LCORL: variants seen among roughly 807,000 people sequenced by gnomAD.
LCORL encodes ligand-dependent nuclear receptor corepressor-like protein.
A neutral mutation model predicts 141.8 loss-of-function variants in LCORL; 41 were observed. The observed-to-expected ratio is 0.29, with a 90% CI of 0.23 to 0.38. LCORL has a LOEUF of 0.38. Ranked by LOEUF, LCORL falls within the 10% of genes least tolerant of loss-of-function variation. The pLI is 1.00. For missense variants in LCORL, 1,759 were observed against 2,035.0 expected, an observed-to-expected ratio of 0.86 and a Z score of 2.61; for synonymous variants, 618 against 694.1, an observed-to-expected ratio of 0.89 and a Z score of 1.72.
chr4:17,860,635 A>C lies in LCORL; in HGVS notation c.5602+12753T>G, dbSNP rs535035688. Among the ~76,000 whole-genome samples the C allele has an allele frequency of 7.2e-5, 11 of 152,246 alleles. No homozygotes were observed. The South Asian group carries it at 1.5e-3, about 20-fold the overall frequency. On this transcript the variant is annotated intron_variant, in intron 7 of 7. Transcript: ENST00000635767. ...AATCATGCCTTCCCAACAGTCCCCC[A>C]CAGTCTTATTTCAGCATTAATTCAA...
chr4:17,889,153 C>T (rs1009677043), intron 5 of LCORL, among the ~76,000 whole-genome samples: 5 of 152,084 alleles, frequency 3.3e-5, no homozygotes, highest in Admixed American at 1.3e-4. Context: ...ACTACTCACA[C>T]ACGAAGCACC....
rs375989813 is a variant in LCORL at position 17,964,717 on chromosome 4, T to C, written c.221-1668A>G. Among the ~76,000 whole-genome samples, 19 of 152,254 alleles carry C rather than the reference T, an allele frequency of 1.2e-4. No homozygotes were observed. The East Asian group carries it at 3.3e-3, about 26-fold the overall frequency. The stretch of plus-strand genomic sequence containing the variant: ...ACCTCACGCTCATGTGAAGATGTTA[T>C]TCCCCACTCACAGCCTGAAGTCCAG... On this transcript the variant is annotated intron_variant, in intron 2 of 7. Coordinates refer to ENST00000635767, the Ensembl canonical transcript of LCORL.
rs547847927 is a variant in LCORL, at chr4:17,892,020, T to C, written c.683-5859A>G. Among the ~76,000 whole-genome samples the C allele has an allele frequency of 1.4e-4, 21 of 152,250 alleles. No individual in the cohort carries two copies. In the East Asian group the frequency reaches 3.1e-3, roughly 22 times the overall value. ...AGTGTAAAAGCATTCCCTGGGTTTA[T>C]CCAAATTTCGATTTTAAAAATTTGA... On this transcript the variant is annotated intron_variant, in intron 5 of 7. Coordinates refer to ENST00000635767, the Ensembl canonical transcript of LCORL.
exon 8 of LCORL, chr4:17,843,252 C>T: frequency 1.9e-6 from 3 of 1,560,144 alleles, no homozygotes; most frequent in African/African-American, 1.4e-5. Context: ...TATAAATAAA[C>T]TGGTTTTAAA....
At chr4:17,882,494 A>G in intron 6 of LCORL, 1 of 984,560 alleles carries the variant, frequency 1.0e-6, no homozygotes, top group Non-Finnish European at 1.2e-6. Flanking sequence ...GAGTCTAGTA[A>G]AAGTTAAAAT....
chr4:17,977,001 G>A (rs928154958), intron 1 of LCORL, among the ~76,000 whole-genome samples: 4 of 152,106 alleles, frequency 2.6e-5, no homozygotes, highest in African/African-American at 9.7e-5. Context: ...CACTAAATCT[G>A]CAGAACTATT....
intron 4 of LCORL, among the ~76,000 whole-genome samples, chr4:17,933,613 T>G (rs1297644863): frequency 2.0e-5 from 3 of 152,112 alleles, no homozygotes; most frequent in African/African-American, 7.2e-5. Flanking sequence ...CAATGCTTCT[T>G]TTAACAATAT....
At chr4:17,998,203 T>C (rs1721217542) in intron 1 of LCORL, among the ~76,000 whole-genome samples, 2 of 152,278 alleles carry the variant, frequency 1.3e-5, no homozygotes, top group African/African-American at 4.8e-5. Context: ...GCTTGAAGGA[T>C]GGGAAGTTGC....
At chr4:17,877,657 G>C in exon 7 of LCORL, 1 of 1,230,284 alleles carries the variant, frequency 8.1e-7, no homozygotes, top group Non-Finnish European at 1.0e-6. Flanking sequence ...GTTTCTATAG[G>C]TGATAATGGT....
intron 1 of LCORL, among the ~76,000 whole-genome samples, chr4:17,973,462 A>C (rs982050016): frequency 5.3e-5 from 8 of 151,926 alleles, no homozygotes; most frequent in Admixed American, 1.3e-4. Context: ...ACAAAACCCT[A>C]GTTTATGCAT....
rs553477504 is a variant in LCORL at position 17,860,677 on chromosome 4, G to A, written c.5602+12711C>T. Among the ~76,000 whole-genome samples the A allele has an allele frequency of 2.6e-5, 4 of 152,256 alleles. No homozygotes were observed. The South Asian group carries it at 6.2e-4, about 24-fold the overall frequency. On this transcript the variant is annotated intron_variant, in intron 7 of 7. Transcript: ENST00000635767. ...TTAATTCAAAAGTCCACAGTCCAAA[G>A]TCTCATCTGAGACAAGGCAAGTCAC...
At chr4:18,016,115 G>T (rs1724589309) in intron 1 of LCORL, among the ~76,000 whole-genome samples, 1 of 151,900 alleles carries the variant, frequency 6.6e-6, no homozygotes, top group African/African-American at 2.4e-5. Context: ...ATTCCTACCA[G>T]AAAGAATCTA....
intron 4 of LCORL, chr4:17,912,377 T>C (rs952312153): frequency 1.2e-5 from 8 of 650,162 alleles, no homozygotes; most frequent in African/African-American, 3.6e-5. Flanking sequence ...CAAGCCCAGA[T>C]TGCCAGCTCT....
rs1273905352 is a variant in LCORL at position 18,021,053 on chromosome 4, GC to G, written c.154+544del. 1.3e-5 allele frequency among the ~76,000 whole-genome samples: 2 copies of G among 152,060 alleles called. No individual in the cohort carries two copies. The highest frequency in any genetic ancestry group is 2.9e-5 in the Non-Finnish European group (2 of 67,966). On this transcript the variant is annotated intron_variant, in intron 1 of 7. Coordinates refer to ENST00000635767, the Ensembl canonical transcript of LCORL. The surrounding 1 kb of genome is among the most constrained non-coding windows in gnomAD (Gnocchi z 5.5). ...CTCGCCCCCAGCCGGCCCATCAGCG[GC>G]CCCCGCCCTGCGAGTGCCCGTGGGT... is the stretch of plus-strand genomic sequence containing the variant.
At chr4:17,921,013 GTTCT>G (rs1294108262) in intron 4 of LCORL, among the ~76,000 whole-genome samples, 1 of 152,044 alleles carries the variant, frequency 6.6e-6, no homozygotes, top group East Asian at 1.9e-4. Context: ...AATCAGTAAT[GTTCT>G]TTTTTTAATT....
chr4:17,952,700 C>T (rs376803662), intron 4 of LCORL, among the ~76,000 whole-genome samples: 1 of 152,184 alleles, frequency 6.6e-6, no homozygotes, highest in African/African-American at 2.4e-5. Context: ...CAGGCGTGAG[C>T]CACCGCCCCC....
At chr4:17,998,614 T>C (rs897944082) in intron 1 of LCORL, among the ~76,000 whole-genome samples, 9 of 152,220 alleles carry the variant, frequency 5.9e-5, no homozygotes, top group East Asian at 1.9e-4. Flanking sequence ...ATGATAACAA[T>C]GCCTTCTTCT....
At chr4:17,899,446 G>T (rs1179544011) in intron 5 of LCORL, among the ~76,000 whole-genome samples, 1 of 152,158 alleles carries the variant, frequency 6.6e-6, no homozygotes, top group Non-Finnish European at 1.5e-5. Flanking sequence ...CTTGGCAAGT[G>T]TCAGACATAG....
chr4:17,991,346 T>C (rs952821180), intron 1 of LCORL, among the ~76,000 whole-genome samples: 1 of 152,182 alleles, frequency 6.6e-6, no homozygotes, highest in Non-Finnish European at 1.5e-5. Flanking sequence ...AATTAAACCA[T>C]TCCTCATTAA....
Sources: allele counts gnomAD v4.1 joint callset (sites outside exome capture counted in the v4.1 genomes callset), GRCh38; gene constraint gnomAD v4.1.1; non-coding constraint Gnocchi (gnomAD v3.1); transcripts MANE v1.5; gene names NCBI Gene and HGNC (gene_info 2026-07-23, HGNC 2026-07-21).